Variants in ENPP6 observed in about 807,000 individuals in gnomAD.
ENPP6 encodes ectonucleotide pyrophosphatase/phosphodiesterase 6.
In ENPP6, 32 loss-of-function variants were observed where a neutral mutation model predicts 42.0. That is an observed-to-expected ratio of 0.76 (90% CI 0.58 to 1.02). The LOEUF (loss-of-function observed/expected upper bound fraction) is 1.02. Ranked by LOEUF, ENPP6 falls within the 50% of genes least tolerant of loss-of-function variation. The pLI is 0.00. For missense variants in ENPP6, 552 were observed against 566.8 expected (o/e 0.97, Z 0.27); for synonymous variants, 213 against 216.0 (o/e 0.99, Z 0.12).
chr4:184,163,500 C>T (rs180729563), intron 1 of ENPP6, among the ~76,000 whole-genome samples: 16 of 152,224 alleles, frequency 1.1e-4, no homozygotes, highest in Non-Finnish European at 1.5e-4. Context: ...CAGTTGGACT[C>T]TGGAATATGA....
chr4:184,204,475 A>T (rs1456735301), intron 1 of ENPP6, among the ~76,000 whole-genome samples: 1 of 152,172 alleles, frequency 6.6e-6, no homozygotes, highest in African/African-American at 2.4e-5. Context: ...AACCGTCCTC[A>T]CAGTGTTCCA....
chr4:184,200,004 T>A (rs913581347), intron 1 of ENPP6, among the ~76,000 whole-genome samples: 1 of 152,128 alleles, frequency 6.6e-6, no homozygotes, highest in African/African-American at 2.4e-5. Flanking sequence ...TGTGAAGCTG[T>A]CTCCCTCCTC....
chr4:184,145,125 A>C (rs1178397733), intron 2 of ENPP6, among the ~76,000 whole-genome samples: 1 of 152,232 alleles, frequency 6.6e-6, no homozygotes, highest in African/African-American at 2.4e-5. Context: ...CACTGCCTCA[A>C]GGAGAGACCC....
intron 1 of ENPP6, among the ~76,000 whole-genome samples, chr4:184,172,164 G>T (rs374116456): frequency 1.3e-5 from 2 of 152,130 alleles, no homozygotes; most frequent in Admixed American, 6.6e-5. Context: ...AGCTGGTGTC[G>T]CAGAAAAAGG....
chr4:184,189,943 T>G (rs901854943), intron 1 of ENPP6, among the ~76,000 whole-genome samples: 7 of 152,196 alleles, frequency 4.6e-5, no homozygotes, highest in African/African-American at 1.7e-4. Context: ...GGCAAAGAAC[T>G]GAGAAAATAT....
intron 1 of ENPP6, among the ~76,000 whole-genome samples, chr4:184,161,100 A>C (rs1308722510): frequency 6.6e-6 from 1 of 152,236 alleles, no homozygotes; most frequent in African/African-American, 2.4e-5. Context: ...TGGCAGAGTA[A>C]ACAGACAACC....
chr4:184,157,419 T>TTCTCTCTTTCTC (rs149313850), intron 1 of ENPP6, among the ~76,000 whole-genome samples: 80,519 of 150,638 alleles, frequency 0.53, 22,224 homozygotes, highest in East Asian at 0.86. Context: ...CTTTCTTTCT[T>TTCTCTCTTTCTC]TCTTTCTTTC....
chr4:184,139,446 G>A (rs903452451), intron 2 of ENPP6, among the ~76,000 whole-genome samples: 12 of 147,048 alleles, frequency 8.2e-5, no homozygotes, highest in South Asian at 2.2e-4. Flanking sequence ...ATGCTGGTGC[G>A]CTGCACCCAC....
chr4:184,101,946 C>G (rs1245134187), intron 6 of ENPP6, among the ~76,000 whole-genome samples: 1 of 152,212 alleles, frequency 6.6e-6, no homozygotes, highest in Non-Finnish European at 1.5e-5. Context: ...CAGGCTTGCG[C>G]GCTTTCCTGC....
chr4:184,105,061 T>C (rs1408502324), intron 6 of ENPP6, among the ~76,000 whole-genome samples: 1 of 152,202 alleles, frequency 6.6e-6, no homozygotes, highest in Non-Finnish European at 1.5e-5. Context: ...GATTATTTAT[T>C]AGGCTGATTG....
chr4:184,112,484 C>CGTCTACAGTTGT lies in ENPP6; in HGVS notation c.993+176_993+187dup, dbSNP rs1317249309. The CGTCTACAGTTGT allele has an allele frequency of 1.8e-4, 121 of 674,132 alleles. 1 individual carries two copies. In the African/African-American group the frequency reaches 2.1e-3, roughly 12 times the overall value. 41.8% of individuals were successfully genotyped at this position (674,132 alleles called of 1,614,324 possible). ...AGTCTAAACCATGACTCTGGGTTCG[C>CGTCTACAGTTGT]GTCTACAGTTGTGTCTACAAAGTTA... On this transcript the variant is annotated intron_variant, in intron 6 of 7. Coordinates refer to ENST00000296741, the MANE Select transcript of ENPP6 (RefSeq NM_153343.4).
Position 184,091,263 on chromosome 4 carries a change from T to C in ENPP6, c.1237A>G (p.Met413Val), listed in dbSNP as rs1327005851. ...GCAGTGCTGGCGCGGCCCTTCAGCA[T>C]GCACATCACCCTGGACCAGGATCCG... is the stretch of plus-strand genomic sequence containing the variant. ...NNGSWSRVMC[M>V]LKGRASTAPP... Residue 413 changes from methionine to valine, a missense_variant, in exon 8 of 8, where the codon ATG (methionine) becomes GTG (valine). Physicochemically the swap from Met to Val is conservative, Grantham distance 21. Transcript: ENST00000296741. The C allele has an allele frequency of 6.2e-7, 1 of 1,612,486 alleles. No homozygotes were observed. The highest frequency in any genetic ancestry group is 1.3e-5 in the African/African-American group (1 of 74,884).
At chr4:184,188,624 G>T (rs1401122214) in intron 1 of ENPP6, among the ~76,000 whole-genome samples, 1 of 152,150 alleles carries the variant, frequency 6.6e-6, no homozygotes, top group Non-Finnish European at 1.5e-5. Context: ...GAAGCCACGT[G>T]GGGAGACGAT....
intron 1 of ENPP6, among the ~76,000 whole-genome samples, chr4:184,173,196 C>T (rs181867518): frequency 9.0e-4 from 137 of 152,246 alleles, no homozygotes; most frequent in Non-Finnish European, 1.0e-3. Flanking sequence ...TGGACCACCG[C>T]GCCCGGCCTA....
At chr4:184,153,433 T>C in intron 2 of ENPP6, 121 bp downstream of exon 2, 1 of 1,183,212 alleles carries the variant, frequency 8.5e-7, no homozygotes, top group Non-Finnish European at 1.2e-6. Flanking sequence ...CAATACATAT[T>C]TCTTAAATAA....
At chr4:184,151,501 G>C (rs1737024978) in intron 2 of ENPP6, among the ~76,000 whole-genome samples, 2 of 152,228 alleles carry the variant, frequency 1.3e-5, no homozygotes, top group Non-Finnish European at 2.9e-5. Context: ...TGTGGAGGGG[G>C]CTCAAGGGTT....
rs1735760284 is a variant in ENPP6, at chr4:184,090,039, A to T, written c.*1138T>A. The T allele has an allele frequency of 6.6e-6, 1 of 152,124 alleles. No homozygotes were observed. Among genetic ancestry groups the T allele is most frequent in the African/African-American group, 2.4e-5 (1 of 41,418 alleles). 9.4% of individuals were successfully genotyped at this position (152,124 alleles called of 1,614,324 possible). On this transcript the variant is annotated 3_prime_UTR_variant, in exon 8 of 8. Transcript: ENST00000296741. The stretch of plus-strand genomic sequence containing the variant: ...CAAACGACCAGTTAGTTGGTCAGTG[A>T]CTGGGACTCTGCTCCATCATGCTCT...
At chr4:184,160,984 AT>A (rs1737248908) in intron 1 of ENPP6, among the ~76,000 whole-genome samples, 1 of 152,220 alleles carries the variant, frequency 6.6e-6, no homozygotes, top group Non-Finnish European at 1.5e-5. Flanking sequence ...AACATTAGAC[AT>A]TCAACATCTC....
At position 184,217,697 on chromosome 4, in the gene ENPP6, A is replaced by C. The variant is rs781237321; in HGVS notation, c.123T>G (p.Asp41Glu). 3.1e-6 allele frequency: 5 copies of C among 1,614,116 alleles called. No homozygotes were observed. The highest frequency in any genetic ancestry group is 1.1e-5 in the South Asian group (1 of 91,096). Reference sequence around the variant, plus strand: ...AACCAGGCAATGACTCCAGCGCCTCATCACTGATGTAGTCTGAGCGAAAAC... The same window carrying C: ...AACCAGGCAATGACTCCAGCGCCTCCTCACTGATGTAGTCTGAGCGAAAAC... ...LDGFRSDYIS[D>E]EALESLPGFK... The change falls in exon 1 of 8, where the codon GAT (aspartate) becomes GAG (glutamate). Residue 41 changes from aspartate (D) to glutamate (E), a missense_variant. This residue lies in a region of ENPP6 where 545 missense variants were observed against 546.3 expected (regional missense o/e 1.00). Coordinates refer to ENST00000296741, the MANE Select transcript of ENPP6 (RefSeq NM_153343.4).
Sources: gnomAD v4.1 joint callset for allele counts (sites outside exome capture counted in the v4.1 genomes callset) on GRCh38, gnomAD v4.1.1 for gene constraint, gnomAD v4.1.1 regional missense constraint, MANE v1.5 for transcripts, NCBI Gene and HGNC (gene_info 2026-07-23, HGNC 2026-07-21) for gene names.